OR9Q1: variants seen among roughly 807,000 people sequenced by gnomAD.
OR9Q1 encodes olfactory receptor family 9 subfamily Q member 1, also known as olfactory receptor 9Q1.
For synonymous variants in OR9Q1, 153 were observed against 148.6 expected, an observed-to-expected ratio of 1.03 and a Z score of -0.22; for missense variants, 374 against 378.8, an observed-to-expected ratio of 0.99 and a Z score of 0.11.
At chr11:58,110,678 A>G (rs927677084) in intron 2 of OR9Q1, among the ~76,000 whole-genome samples, 21 of 152,148 alleles carry the variant, frequency 1.4e-4, no homozygotes, top group African/African-American at 5.1e-4. Context: ...TTGCTATCCT[A>G]CACTGGTCCT....
intron 2 of OR9Q1, among the ~76,000 whole-genome samples, chr11:58,131,248 G>GCCGGC (rs1854138203): frequency 2.0e-5 from 3 of 152,128 alleles, no homozygotes; most frequent in Admixed American, 6.5e-5. Context: ...TGGGTGGGGA[G>GCCGGC]CTGGCCTGTG....
At chr11:58,103,065 C>A (rs1457581069) in intron 2 of OR9Q1, among the ~76,000 whole-genome samples, 1 of 151,978 alleles carries the variant, frequency 6.6e-6, no homozygotes, top group Non-Finnish European at 1.5e-5. Context: ...TCTCACGTTG[C>A]TATAAGGGCA....
rs138367723 is a variant in OR9Q1, at chr11:58,086,728, C to T, written c.-15+30781C>T. On this transcript the variant is annotated intron_variant, in intron 2 of 2. Transcript: ENST00000335397. ...TGACGACATGAGTGAAACTTGAGGA[C>T]GTTTATGCTAAGTGAAATAAGCTAG... is the stretch of plus-strand genomic sequence containing the variant. Among the ~76,000 whole-genome samples, 102 of 151,786 alleles carry T rather than the reference C, an allele frequency of 6.7e-4. 1 individual carries two copies. In the East Asian group the frequency reaches 0.017, roughly 25 times the overall value.
At chr11:58,060,795 CT>C (rs5792078) in intron 2 of OR9Q1, among the ~76,000 whole-genome samples, 86,196 of 148,732 alleles carry the variant, frequency 0.58, 25,200 homozygotes, top group African/African-American at 0.67. Context: ...TAAGAGAGCA[CT>C]TTTTTTTTTT....
intron 2 of OR9Q1, among the ~76,000 whole-genome samples, chr11:58,098,372 AT>A (rs1565075341): frequency 6.6e-6 from 1 of 152,134 alleles, no homozygotes; most frequent in African/African-American, 2.4e-5. Flanking sequence ...GACTTGTCAA[AT>A]TTTTTTGTCA....
intron 2 of OR9Q1, among the ~76,000 whole-genome samples, chr11:58,123,733 T>C (rs531826546): frequency 1.1e-3 from 162 of 152,310 alleles, no homozygotes; most frequent in African/African-American, 3.8e-3. Context: ...TGTTCTCTTT[T>C]TAGGGCATGA....
intron 2 of OR9Q1, among the ~76,000 whole-genome samples, chr11:58,083,387 G>C (rs1853607254): frequency 6.6e-6 from 1 of 151,666 alleles, no homozygotes; most frequent in Non-Finnish European, 1.5e-5. Flanking sequence ...ATGTATATTT[G>C]TGAGTATTTC....
chr11:58,164,691 A>G (rs1249456444), intron 2 of OR9Q1, among the ~76,000 whole-genome samples: 2 of 152,210 alleles, frequency 1.3e-5, no homozygotes, highest in African/African-American at 4.8e-5. Context: ...TTCTCTCGGT[A>G]GTCCAACACT....
intron 2 of OR9Q1, among the ~76,000 whole-genome samples, chr11:58,155,032 C>T (rs1182130408): frequency 2.6e-5 from 4 of 152,178 alleles, no homozygotes; most frequent in Non-Finnish European, 5.9e-5. Flanking sequence ...TTCCTGCCTA[C>T]CTACCTACCT....
chr11:58,034,587 A>T (rs1460210609), intron 1 of OR9Q1, among the ~76,000 whole-genome samples: 2 of 152,174 alleles, frequency 1.3e-5, no homozygotes, highest in African/African-American at 4.8e-5. Flanking sequence ...CTTTTGTGCT[A>T]CAATGGCAGT....
rs561661232 is a variant in OR9Q1, at chr11:58,066,777, C to T, written c.-15+10830C>T. Among the ~76,000 whole-genome samples, 5 of 152,304 alleles carry T rather than the reference C, an allele frequency of 3.3e-5. No homozygotes were observed. In the East Asian group the frequency reaches 9.7e-4, roughly 29 times the overall value. On this transcript the variant is annotated intron_variant, in intron 2 of 2. Coordinates refer to ENST00000335397, the MANE Select transcript of OR9Q1 (RefSeq NM_001005212.4). The stretch of plus-strand genomic sequence containing the variant: ...TTTATGAAGAAGTCAGACTTCCTGT[C>T]CCTGGGCCTCCTGGGCCCACACCCC...
chr11:58,042,161 A>G (rs1853171310), intron 1 of OR9Q1, among the ~76,000 whole-genome samples: 1 of 151,978 alleles, frequency 6.6e-6, no homozygotes, highest in African/African-American at 2.4e-5. Context: ...TTTGTATTCC[A>G]TAGTGATTTT....
intron 2 of OR9Q1, among the ~76,000 whole-genome samples, chr11:58,065,460 G>GT (rs1286816031): frequency 6.6e-6 from 1 of 152,172 alleles, no homozygotes; most frequent in African/African-American, 2.4e-5. Flanking sequence ...TGATGTAGGA[G>GT]TCTAGCTAAA....
At chr11:58,090,510 G>T (rs377097405) in intron 2 of OR9Q1, among the ~76,000 whole-genome samples, 15 of 152,152 alleles carry the variant, frequency 9.9e-5, no homozygotes, top group Non-Finnish European at 2.2e-4. Context: ...TGATCGTGGT[G>T]GATAAGCTTT....
chr11:58,179,284 A>G, intron 2 of OR9Q1, 147 bp from the exon 3 acceptor site: 1 of 528,824 alleles, frequency 1.9e-6, no homozygotes, highest in Middle Eastern at 4.5e-4. Context: ...CCTCGCTTCC[A>G]AAGTGCTGAT....
intron 2 of OR9Q1, among the ~76,000 whole-genome samples, chr11:58,160,433 G>T (rs1854446098): frequency 7.5e-6 from 1 of 133,610 alleles, no homozygotes; most frequent in Non-Finnish European, 1.6e-5. Flanking sequence ...TGAATGAGTA[G>T]AATATTTGTT....
intron 2 of OR9Q1, among the ~76,000 whole-genome samples, chr11:58,153,948 C>T (rs1194318040): frequency 6.6e-6 from 1 of 151,992 alleles, no homozygotes; most frequent in Admixed American, 6.6e-5. Flanking sequence ...CATTTTGTGC[C>T]AATAAATATT....
At chr11:58,144,213 G>A (rs1371290898) in intron 2 of OR9Q1, among the ~76,000 whole-genome samples, 1 of 124,886 alleles carries the variant, frequency 8.0e-6, no homozygotes, top group East Asian at 2.3e-4. Flanking sequence ...GGTGTGTGAT[G>A]TTCCCCTTCC....
chr11:58,179,609 C>T lies in OR9Q1; in HGVS notation c.165C>T (p.Leu55=), dbSNP rs369259145. 1 of 1,613,382 alleles carries T rather than the reference C, an allele frequency of 6.2e-7. No homozygotes were observed. The highest frequency in any genetic ancestry group is 8.5e-7 in the Non-Finnish European group (1 of 1,179,608). ...TTCTGATCCTCATGGATCACCAGCT[C>T]CACGCTCCAATGTATTTCCTTCTGA... is the stretch of plus-strand genomic sequence containing the variant. ...MIILILMDHQ[L]HAPMYFLLSH... The change falls in exon 3 of 3, where the codon CTC becomes CTT. Residue 55 remains leucine, a synonymous_variant. Coordinates refer to ENST00000335397, the MANE Select transcript of OR9Q1 (RefSeq NM_001005212.4).
Sources: gnomAD v4.1 joint callset for allele counts (sites outside exome capture counted in the v4.1 genomes callset) on GRCh38, gnomAD v4.1.1 for gene constraint, MANE v1.5 for transcripts, NCBI Gene and HGNC (gene_info 2026-07-23, HGNC 2026-07-21) for gene names.